Variants in FRMD4B observed in about 807,000 individuals in gnomAD.
FRMD4B encodes the protein FERM domain-containing protein 4B.
FRMD4B carries 74 observed loss-of-function variants against 141.5 expected under a neutral mutation model. The observed-to-expected ratio is 0.52, with a 90% confidence interval of 0.43 to 0.63. FRMD4B has a LOEUF of 0.63. FRMD4B is among the 30% of genes least tolerant of loss of function. FRMD4B has a pLI of 0.00. For synonymous variants in FRMD4B, 506 were observed against 467.9 expected, an observed-to-expected ratio of 1.08 and a Z score of -1.05; for missense variants, 1,366 against 1,253.4, an observed-to-expected ratio of 1.09 and a Z score of -1.36.
chr3:69,447,272 T>G (rs1705423621), intron 1 of FRMD4B, among the ~76,000 whole-genome samples: 1 of 152,190 alleles, frequency 6.6e-6, no homozygotes. Context: ...CCAAATGTAG[T>G]TATTGTACCT....
chr3:69,228,638 CGACCTGGGCAACACAGTGA>C (rs754016064), intron 7 of FRMD4B: 35 of 364,660 alleles, frequency 9.6e-5, no homozygotes, highest in South Asian at 7.3e-4. Flanking sequence ...AGTTGGAGAC[CGACCTGGGCAACACAGTGA>C]GACCTTGTTT....
intron 1 of FRMD4B, among the ~76,000 whole-genome samples, chr3:69,380,503 G>A (rs961972885): frequency 1.9e-4 from 29 of 152,198 alleles, no homozygotes; most frequent in African/African-American, 6.8e-4. Context: ...AGTGCTAAGT[G>A]ATATATATGT....
At chr3:69,194,444 C>A (rs2092876901) in intron 16 of FRMD4B, among the ~76,000 whole-genome samples, 1 of 152,160 alleles carries the variant, frequency 6.6e-6, no homozygotes, top group African/African-American at 2.4e-5. Context: ...AAAACAGATA[C>A]AATTTTCTAA....
chr3:69,183,757 C>T (rs891970926), intron 19 of FRMD4B, among the ~76,000 whole-genome samples: 6 of 152,074 alleles, frequency 3.9e-5, no homozygotes, highest in Non-Finnish European at 7.4e-5. Context: ...GCTGGGATTA[C>T]AGGCGTGAGC....
rs369775652 is a variant in FRMD4B at position 69,494,898 on chromosome 3, A to AGAAAG, written c.-129+47303_-129+47307dup. ...CAAGAGTGAAACTCCGTCCAAAAAA[A>AGAAAG]GAAAGGAAAGGAAAGGAAAGGAAGG... On this transcript the variant is annotated intron_variant, in intron 1 of 5. Coordinates refer to the FRMD4B transcript ENST00000459638. 1.1e-3 allele frequency among the ~76,000 whole-genome samples: 163 copies of AGAAAG among 150,618 alleles called. 1 individual carries two copies. Among genetic ancestry groups the AGAAAG allele is most frequent in the African/African-American group, 3.7e-3 (152 of 41,118 alleles).
chr3:69,435,020 C>A (rs1408379856), intron 1 of FRMD4B, among the ~76,000 whole-genome samples: 1 of 152,058 alleles, frequency 6.6e-6, no homozygotes, highest in Non-Finnish European at 1.5e-5. Context: ...ACTTTTTGTG[C>A]CCATATTTCT....
rs529320082 is a variant in FRMD4B, at chr3:69,307,823, G to A, written c.323+3440C>T. Among the ~76,000 whole-genome samples, 5 of 152,214 alleles carry A rather than the reference G, an allele frequency of 3.3e-5. 1 individual carries two copies. Among genetic ancestry groups the A allele is most frequent in the African/African-American group, 9.6e-5 (4 of 41,548 alleles). ...ACCTCTGACACTGCAAGTCAAAGCC[G>A]CATTCCTCCTCCCTATAACATCCTT... On this transcript the variant is annotated intron_variant, in intron 3 of 22. Coordinates refer to ENST00000398540, the MANE Select transcript of FRMD4B (RefSeq NM_015123.3).
intron 7 of FRMD4B, among the ~76,000 whole-genome samples, chr3:69,247,547 C>A (rs375502686): frequency 1.6e-4 from 25 of 152,312 alleles, no homozygotes; most frequent in African/African-American, 5.8e-4. Context: ...AGTGCAGTGG[C>A]GCGATCTTGG....
chr3:69,239,967 C>T (rs986244884), intron 7 of FRMD4B, among the ~76,000 whole-genome samples: 15 of 150,812 alleles, frequency 9.9e-5, no homozygotes, highest in East Asian at 2.0e-4. Context: ...GCAGGAGAAT[C>T]GCTTGAACCC....
chr3:69,195,203 C>T (rs2107648537), intron 15 of FRMD4B, 28 bp downstream of exon 15: 1 of 1,613,162 alleles, frequency 6.2e-7, no homozygotes, highest in South Asian at 1.1e-5. Context: ...TCAAACACAA[C>T]TTGATGAGCC....
chr3:69,223,983 T>C (rs2093224425), intron 8 of FRMD4B, among the ~76,000 whole-genome samples: 1 of 152,194 alleles, frequency 6.6e-6, no homozygotes, highest in Admixed American at 6.5e-5. Context: ...ATATTGAATA[T>C]CTATTTTGTA....
chr3:69,198,967 TTTAACTA>T (rs2092937733), intron 11 of FRMD4B, 193 bp from the exon 12 acceptor site: 3 of 575,374 alleles, frequency 5.2e-6, no homozygotes, highest in Non-Finnish European at 6.2e-6. Flanking sequence ...GGCAGCAATC[TTTAACTA>T]TTAAGATTCA....
At chr3:69,455,580 A>G (rs1705588330) in intron 1 of FRMD4B, among the ~76,000 whole-genome samples, 1 of 152,158 alleles carries the variant, frequency 6.6e-6, no homozygotes, top group South Asian at 2.1e-4. Flanking sequence ...GGAACATCAG[A>G]AGGAACAAAC....
intron 1 of FRMD4B, among the ~76,000 whole-genome samples, chr3:69,493,129 C>A (rs543529752): frequency 6.6e-6 from 1 of 152,344 alleles, no homozygotes; most frequent in Admixed American, 6.5e-5. Context: ...AGCACAAACT[C>A]ACACTCACAT....
chr3:69,373,963 C>T (rs564437309), intron 1 of FRMD4B, among the ~76,000 whole-genome samples: 1 of 152,284 alleles, frequency 6.6e-6, no homozygotes, highest in Admixed American at 6.5e-5. Flanking sequence ...TGTCCCCTCA[C>T]CAACCCTGGT....
intron 19 of FRMD4B, 132 bp from the exon 20 acceptor site, chr3:69,182,849 T>C: frequency 1.2e-6 from 1 of 806,240 alleles, no homozygotes; most frequent in Non-Finnish European, 2.0e-6. Context: ...AGGAAGAGTG[T>C]CTTTGTGGTT....
chr3:69,338,498 G>A (rs1184416652), intron 1 of FRMD4B, among the ~76,000 whole-genome samples: 1 of 152,138 alleles, frequency 6.6e-6, no homozygotes, highest in Admixed American at 6.5e-5. Flanking sequence ...GGAATATTAT[G>A]CAGCCATAAA....
chr3:69,292,435 G>C (rs976978432), intron 4 of FRMD4B, among the ~76,000 whole-genome samples: 1 of 152,226 alleles, frequency 6.6e-6, no homozygotes, highest in Non-Finnish European at 1.5e-5. Flanking sequence ...TCAATTTGTA[G>C]CGCATCCAAC....
At chr3:69,413,453 C>T (rs1704795118) in intron 2 of FRMD4B, among the ~76,000 whole-genome samples, 1 of 152,126 alleles carries the variant, frequency 6.6e-6, no homozygotes, top group African/African-American at 2.4e-5. Context: ...ACTGTCCTGA[C>T]TGAATGCAAT....
Sources: allele counts gnomAD v4.1 joint callset (sites outside exome capture counted in the v4.1 genomes callset), GRCh38; gene constraint gnomAD v4.1.1; transcripts MANE v1.5; gene names NCBI Gene and HGNC (gene_info 2026-07-23, HGNC 2026-07-21).